ZNF362: variants seen among roughly 807,000 people sequenced by gnomAD.
The protein encoded by ZNF362 is rotund homolog.
ZNF362 carries 11 observed loss-of-function variants against 42.9 expected under a neutral mutation model. The ratio of observed to expected loss-of-function variants is 0.26; its 90% CI spans 0.16 to 0.42. ZNF362 has a LOEUF of 0.42. Among genes scored for constraint, ZNF362 ranks in the 20% least tolerant of loss-of-function variants. The probability of loss-of-function intolerance (pLI) is 1.00; values close to 1 mark genes in which losing one functional copy is unlikely to be tolerated. For missense variants in ZNF362, 362 were observed against 576.2 expected (o/e 0.63, Z 3.81); for synonymous variants, 255 against 257.3 (o/e 0.99, Z 0.09).
Position 33,281,959 on chromosome 1 carries a change from C to T in ZNF362, c.908+148C>T. The T allele has an allele frequency of 2.8e-6, 2 of 726,312 alleles. No homozygotes were observed. Among genetic ancestry groups the T allele is most frequent in the South Asian group, 3.5e-5 (2 of 57,744 alleles). The allele number at this position is 726,312 out of a possible 1,614,324, so 45.0% of individuals were successfully genotyped here. On this transcript the variant is annotated intron_variant, in intron 6 of 8. Coordinates refer to ENST00000539719, the MANE Select transcript of ZNF362 (RefSeq NM_152493.3). The surrounding 1 kb of genome is among the most constrained non-coding windows in gnomAD (Gnocchi z 4.8). ...CGGCCCTTGTGGACCTCACTGGCCT[C>T]AGCTGTTGTTACTGCACCCCGTCCC...
At chr1:33,140,183 T>C in the ZNF362 span, among the ~76,000 whole-genome samples, 2 of 152,124 alleles carry the variant, frequency 1.3e-5, no homozygotes, top group African/African-American at 4.8e-5. The surrounding 1 kb of genome is among the most constrained non-coding windows in gnomAD (Gnocchi z 4.0). Context: ...CTGTCCCTCT[T>C]GTTCAGCCGA....
the ZNF362 span, among the ~76,000 whole-genome samples, chr1:33,183,328 A>G: frequency 6.6e-6 from 1 of 152,324 alleles, no homozygotes; most frequent in South Asian, 2.1e-4. Flanking sequence ...AAAAGCTCTC[A>G]GTTTAGTTCT....
the ZNF362 span, chr1:33,164,421 C>A: frequency 6.6e-6 from 1 of 152,318 alleles, no homozygotes; most frequent in African/African-American, 2.4e-5. Flanking sequence ...AGTGGGGACT[C>A]CACCCGGCAC....
chr1:33,233,567 C>A, the ZNF362 span, among the ~76,000 whole-genome samples: 5 of 152,206 alleles, frequency 3.3e-5, no homozygotes, highest in African/African-American at 1.2e-4. Context: ...CCACGCCCAG[C>A]TAATTTTTGT....
chr1:33,223,005 C>A, the ZNF362 span, among the ~76,000 whole-genome samples: 56 of 152,254 alleles, frequency 3.7e-4, no homozygotes, highest in Admixed American at 3.5e-3. Context: ...GTAATCCCAG[C>A]ACTTTGGGAG....
chr1:33,228,908 T>TC, the ZNF362 span, among the ~76,000 whole-genome samples: 1 of 152,098 alleles, frequency 6.6e-6, no homozygotes, highest in South Asian at 2.1e-4. Context: ...CTAACAAACT[T>TC]CATCTCCTAC....
the ZNF362 span, among the ~76,000 whole-genome samples, chr1:33,225,076 G>A: frequency 0.99 from 150,439 of 152,316 alleles, 74,318 homozygotes; most frequent in Middle Eastern, 1. Flanking sequence ...AATTCTAGAC[G>A]TACTGGCTTT....
chr1:33,145,866 A>G, the ZNF362 span: 13 of 471,040 alleles, frequency 2.8e-5, no homozygotes, highest in Middle Eastern at 3.2e-4. Flanking sequence ...CTTCTAGGGA[A>G]ATGACATTTC....
At chr1:33,130,888 C>T in the ZNF362 span, among the ~76,000 whole-genome samples, 1 of 152,048 alleles carries the variant, frequency 6.6e-6, no homozygotes, top group African/African-American at 2.4e-5. Flanking sequence ...TGAGATATGT[C>T]TGGAAAAAGA....
At chr1:33,128,397 C>T in the ZNF362 span, among the ~76,000 whole-genome samples, 1 of 151,920 alleles carries the variant, frequency 6.6e-6, no homozygotes, top group African/African-American at 2.4e-5. Flanking sequence ...AAAAATTTAA[C>T]GTATTTAAAG....
At position 33,281,481 on chromosome 1, in the gene ZNF362, C is replaced by A. The variant is rs1428862022; in HGVS notation, c.684-106C>A. 7 of 1,095,132 alleles carry A rather than the reference C, an allele frequency of 6.4e-6. No homozygotes were observed. In the East Asian group the frequency reaches 1.7e-4, roughly 27 times the overall value. 67.8% of individuals were successfully genotyped at this position (1,095,132 alleles called of 1,614,324 possible). A position where few individuals can be genotyped will look rare whatever the true frequency, so the allele number is the denominator to read the frequency against. On this transcript the variant is annotated intron_variant, in intron 5 of 8. Coordinates refer to ENST00000539719, the MANE Select transcript of ZNF362 (RefSeq NM_152493.3). The surrounding 1 kb of genome is among the most constrained non-coding windows in gnomAD (Gnocchi z 4.8). ...GGTCCTGTGCTTCTTGGGCTCATCA[C>A]AGGAAAGACCTGTCCCAGGTGCAAG...
At chr1:33,264,899 T>C (rs937224451) in intron 1 of ZNF362, among the ~76,000 whole-genome samples, 44 of 152,106 alleles carry the variant, frequency 2.9e-4, no homozygotes, top group Non-Finnish European at 4.9e-4. Context: ...TTAGGTCTCC[T>C]GATACATGCT....
intron 1 of ZNF362, chr1:33,261,826 A>G (rs1315931418): frequency 6.6e-6 from 1 of 152,282 alleles, no homozygotes; most frequent in Admixed American, 6.5e-5. Context: ...ATCCAAGGCC[A>G]CGTGCATCTC....
chr1:33,253,466 C>G (rs958882023), upstream of ZNF362, among the ~76,000 whole-genome samples: 1 of 151,936 alleles, frequency 6.6e-6, no homozygotes, highest in Non-Finnish European at 1.5e-5. Context: ...GCAGAGGGAA[C>G]AGCATATGCA....
chr1:33,213,114 A>C, the ZNF362 span, among the ~76,000 whole-genome samples: 1 of 152,184 alleles, frequency 6.6e-6, no homozygotes, highest in East Asian at 1.9e-4. Context: ...AAGAGTATGT[A>C]TGTATTATAC....
the ZNF362 span, among the ~76,000 whole-genome samples, chr1:33,234,843 C>T: frequency 6.6e-6 from 1 of 152,178 alleles, no homozygotes; most frequent in Non-Finnish European, 1.5e-5. Flanking sequence ...GACCCCTCTG[C>T]TGCCAGGGAG....
At chr1:33,202,621 A>G in the ZNF362 span, among the ~76,000 whole-genome samples, 2 of 150,838 alleles carry the variant, frequency 1.3e-5, no homozygotes, top group African/African-American at 2.4e-5. Context: ...ACGCTATATC[A>G]TGACCAAAAG....
the ZNF362 span, among the ~76,000 whole-genome samples, chr1:33,132,007 C>T: frequency 6.6e-6 from 1 of 152,260 alleles, no homozygotes; most frequent in Admixed American, 6.5e-5. Flanking sequence ...GGAGCAGGCT[C>T]GAGGGGCCTT....
chr1:33,161,559 C>T, the ZNF362 span, among the ~76,000 whole-genome samples: 1 of 152,054 alleles, frequency 6.6e-6, no homozygotes, highest in Non-Finnish European at 1.5e-5. This position sits in a 1 kb window ranked among gnomAD's most constrained non-coding sequence, Gnocchi z 4.3. Context: ...AGCCTCGCTG[C>T]GCATGCCCAC....
Sources: gnomAD v4.1 joint callset for allele counts (sites outside exome capture counted in the v4.1 genomes callset) on GRCh38, gnomAD v4.1.1 for gene constraint, Gnocchi (gnomAD v3.1) non-coding constraint, MANE v1.5 for transcripts, NCBI Gene and HGNC (gene_info 2026-07-23, HGNC 2026-07-21) for gene names.